Variants in AUTS2 observed in about 807,000 individuals in gnomAD.
The protein encoded by AUTS2 is autism susceptibility gene 2 protein.
In AUTS2, 17 loss-of-function variants were observed where a neutral mutation model predicts 112.4. That is an observed-to-expected ratio of 0.15 (90% CI 0.10 to 0.23). AUTS2 has a LOEUF of 0.23. Among genes scored for constraint, AUTS2 ranks in the 10% least tolerant of loss-of-function variants. The probability of loss-of-function intolerance (pLI) is 1.00; values close to 1 mark genes in which losing one functional copy is unlikely to be tolerated. For synonymous variants in AUTS2, 751 were observed against 702.7 expected (o/e 1.07, Z -1.09); for missense variants, 1,510 against 1,701.6 (o/e 0.89, Z 1.98).
chr7:70,004,281 GTTATATATGAATATA>G (rs1341455985), intron 2 of AUTS2, among the ~76,000 whole-genome samples: 1 of 123,292 alleles, frequency 8.1e-6, no homozygotes, highest in Non-Finnish European at 1.7e-5. Flanking sequence ...ATATGAATGT[GTTATATATGAATATA>G]TTATATGTGA....
intron 1 of AUTS2, among the ~76,000 whole-genome samples, chr7:69,658,305 T>C (rs1160032482): frequency 6.6e-6 from 1 of 152,232 alleles, no homozygotes; most frequent in Non-Finnish European, 1.5e-5. Context: ...TGTAAATGCT[T>C]ATTGTTTGAA....
intron 2 of AUTS2, among the ~76,000 whole-genome samples, chr7:69,974,200 C>G (rs1382364719): frequency 1.3e-5 from 2 of 151,276 alleles, no homozygotes; most frequent in East Asian, 3.9e-4. Flanking sequence ...TCTAAGTTGT[C>G]AAATTTAAGT....
At chr7:70,505,455 C>T (rs183062718) in intron 5 of AUTS2, among the ~76,000 whole-genome samples, 169 of 152,286 alleles carry the variant, frequency 1.1e-3, no homozygotes, top group Non-Finnish European at 1.9e-3. Flanking sequence ...GAGGCAAGGA[C>T]TTGATGTATT....
intron 2 of AUTS2, among the ~76,000 whole-genome samples, chr7:69,909,323 A>G (rs1795265321): frequency 6.6e-6 from 1 of 152,220 alleles, no homozygotes; most frequent in South Asian, 2.1e-4. Context: ...CTGATAGAAT[A>G]ATTGTATTCT....
At chr7:69,664,547 AC>A (rs1795945465) in intron 1 of AUTS2, among the ~76,000 whole-genome samples, 1 of 152,206 alleles carries the variant, frequency 6.6e-6, no homozygotes. Context: ...TTTTACGTTA[AC>A]CATGGCAATA....
chr7:70,190,146 A>T (rs1228626304), intron 4 of AUTS2, among the ~76,000 whole-genome samples: 1 of 152,148 alleles, frequency 6.6e-6, no homozygotes, highest in Non-Finnish European at 1.5e-5. Flanking sequence ...CTAGCTTGGC[A>T]TCCTTTTTCT....
chr7:70,118,267 A>T lies in AUTS2; in HGVS notation c.624+34A>T, dbSNP rs755075963. 174 of 1,468,094 alleles carry T rather than the reference A, an allele frequency of 1.2e-4. 1 individual carries two copies. Among genetic ancestry groups the T allele is most frequent in the Admixed American group, 1.4e-4 (6 of 41,660 alleles). 90.9% of individuals were successfully genotyped at this position (1,468,094 alleles called of 1,614,324 possible). On this transcript the variant is annotated intron_variant, in intron 3 of 18. Transcript: ENST00000342771. ...AAGTAAAAAAAAAAAAAAAAAAAAA[A>T]TTAACGAAAACCACTAGGCCACACA...
intron 1 of AUTS2, among the ~76,000 whole-genome samples, chr7:69,794,361 C>T (rs1433194494): frequency 2.0e-5 from 3 of 152,092 alleles, no homozygotes; most frequent in Non-Finnish European, 2.9e-5. Context: ...GAATATGGCA[C>T]GATTTCTTAT....
intron 6 of AUTS2, among the ~76,000 whole-genome samples, chr7:70,711,132 C>A (rs375578874): frequency 6.6e-6 from 1 of 152,196 alleles, no homozygotes; most frequent in East Asian, 1.9e-4. Flanking sequence ...CCTCACCCCC[C>A]CAGAGCACAC....
intron 1 of AUTS2, among the ~76,000 whole-genome samples, chr7:69,715,537 G>A (rs1421999778): frequency 6.6e-6 from 1 of 152,158 alleles, no homozygotes; most frequent in Admixed American, 6.5e-5. Flanking sequence ...CATATGCTCA[G>A]TGAGCTCTTC....
At chr7:70,042,756 TA>T (rs1270321406) in intron 2 of AUTS2, among the ~76,000 whole-genome samples, 2 of 152,186 alleles carry the variant, frequency 1.3e-5, no homozygotes, top group Non-Finnish European at 2.9e-5. Context: ...TGAATGCTTG[TA>T]AAAGGTCACT....
intron 1 of AUTS2, among the ~76,000 whole-genome samples, chr7:69,719,598 G>A (rs1244711986): frequency 6.6e-6 from 1 of 152,176 alleles, no homozygotes; most frequent in African/African-American, 2.4e-5. Flanking sequence ...ATCATGCAAT[G>A]GACTGCCTGC....
At chr7:69,842,810 GCACAGTGGTAGCAT>G (rs1341776632) in intron 1 of AUTS2, among the ~76,000 whole-genome samples, 2 of 152,114 alleles carry the variant, frequency 1.3e-5, no homozygotes, top group African/African-American at 4.8e-5. Flanking sequence ...TGACTCAAGG[GCACAGTGGTAGCAT>G]CACCAAAAAT....
intron 1 of AUTS2, among the ~76,000 whole-genome samples, chr7:69,701,040 A>G (rs1797779941): frequency 6.6e-6 from 1 of 152,224 alleles, no homozygotes; most frequent in South Asian, 2.1e-4. Flanking sequence ...TTGTGGATTC[A>G]GATTCCTGCT....
At chr7:70,402,450 C>T (rs2130195350) in intron 4 of AUTS2, among the ~76,000 whole-genome samples, 1 of 152,300 alleles carries the variant, frequency 6.6e-6, no homozygotes, top group Non-Finnish European at 1.5e-5. Context: ...ACATGTAAAA[C>T]CTTGTATTTT....
chr7:70,505,530 A>G (rs1301279344), intron 5 of AUTS2, among the ~76,000 whole-genome samples: 4 of 152,332 alleles, frequency 2.6e-5, no homozygotes, highest in Non-Finnish European at 5.9e-5. Flanking sequence ...TCTGAATTAA[A>G]CAATTGGAGT....
chr7:69,910,199 G>A (rs1166688607), intron 2 of AUTS2, among the ~76,000 whole-genome samples: 2 of 152,148 alleles, frequency 1.3e-5, no homozygotes, highest in Non-Finnish European at 2.9e-5. Flanking sequence ...TTTTGAAGGG[G>A]AGTATATTGG....
At chr7:70,188,604 G>A (rs1018465566) in intron 4 of AUTS2, among the ~76,000 whole-genome samples, 1 of 151,964 alleles carries the variant, frequency 6.6e-6, no homozygotes, top group Admixed American at 6.6e-5. Flanking sequence ...AATATATCAC[G>A]ATTTTGGAGA....
At chr7:69,623,381 A>ATTTTTTTTTTTTTTTTTT (rs56204810) in intron 1 of AUTS2, among the ~76,000 whole-genome samples, 1 of 71,952 alleles carries the variant, frequency 1.4e-5, no homozygotes, top group African/African-American at 5.5e-5. Context: ...ACGCCCAGCA[A>ATTTTTTTTTTTTTTTTTT]TTTTTTTTTT....
Sources: allele counts gnomAD v4.1 joint callset (sites outside exome capture counted in the v4.1 genomes callset), GRCh38; gene constraint gnomAD v4.1.1; transcripts MANE v1.5; gene names NCBI Gene and HGNC (gene_info 2026-07-23, HGNC 2026-07-21).